Variants in ZHX2 observed in about 807,000 individuals in gnomAD.
The protein encoded by ZHX2 is zinc fingers and homeoboxes protein 2.
In ZHX2, 6 loss-of-function variants were observed where a neutral mutation model predicts 21.9. The ratio of observed to expected loss-of-function variants is 0.27; its 90% CI spans 0.15 to 0.54. The LOEUF is 0.54. Ranked by LOEUF, ZHX2 falls within the 20% of genes least tolerant of loss-of-function variation. The probability of loss-of-function intolerance (pLI) is 0.95; values close to 1 mark genes in which losing one functional copy is unlikely to be tolerated. For synonymous variants in ZHX2, 434 were observed against 437.1 expected (o/e 0.99, Z 0.09); for missense variants, 908 against 1,090.7 (o/e 0.83, Z 2.36).
Position 122,952,808 on chromosome 8 carries a change from T to G in ZHX2, c.1298T>G (p.Val433Gly), listed in dbSNP as rs932492522. ...CAGGTGCCAGAGCCCCCACCCAAGG[T>G]GGCCAACCCCCCGCTCACACCAGCC... ...IAQVPEPPPK[V>G]ANPPLTPASD... Residue 433 changes from valine to glycine, a missense_variant, in exon 3 of 4, where the codon GTG becomes GGG. Transcript: ENST00000314393. The surrounding 1 kb of genome is among the most constrained non-coding windows in gnomAD (Gnocchi z 6.9). 6.2e-7 allele frequency: 1 copy of G among 1,613,908 alleles called. No homozygotes were observed. Among genetic ancestry groups the G allele is most frequent in the Middle Eastern group, 1.6e-4 (1 of 6,062 alleles).
chr8:122,837,095 A>T (rs1818519650), intron 1 of ZHX2, among the ~76,000 whole-genome samples: 1 of 152,210 alleles, frequency 6.6e-6, no homozygotes, highest in Non-Finnish European at 1.5e-5. Flanking sequence ...TGGCAACGTC[A>T]GGAAGGTACC....
At chr8:122,830,002 G>C (rs1348000498) in intron 1 of ZHX2, among the ~76,000 whole-genome samples, 2 of 152,212 alleles carry the variant, frequency 1.3e-5, no homozygotes, top group Admixed American at 6.5e-5. Flanking sequence ...ATTTGAACCA[G>C]AGCAACTCCA....
At chr8:122,970,820 C>G (rs1287218390) in intron 3 of ZHX2, among the ~76,000 whole-genome samples, 1 of 152,230 alleles carries the variant, frequency 6.6e-6, no homozygotes, top group Non-Finnish European at 1.5e-5. Context: ...GTGCATGTGG[C>G]TCTGCCTGGG....
intron 2 of ZHX2, among the ~76,000 whole-genome samples, chr8:122,945,118 C>T (rs1812937322): frequency 6.6e-6 from 1 of 152,126 alleles, no homozygotes; most frequent in African/African-American, 2.4e-5. Context: ...GAATAAATTC[C>T]TGTTGTCTAA....
chr8:122,832,607 T>C (rs1818401707), intron 1 of ZHX2, among the ~76,000 whole-genome samples: 1 of 152,114 alleles, frequency 6.6e-6, no homozygotes, highest in Admixed American at 6.5e-5. Flanking sequence ...TGAAGTCTTA[T>C]GGAGAGGGCC....
intron 1 of ZHX2, among the ~76,000 whole-genome samples, chr8:122,852,869 G>C (rs1433004048): frequency 6.6e-6 from 1 of 151,856 alleles, no homozygotes; most frequent in Admixed American, 6.6e-5. Flanking sequence ...AAGAGCCCCG[G>C]GTGCATGTGT....
At chr8:122,959,046 T>C (rs1813378198) in intron 3 of ZHX2, among the ~76,000 whole-genome samples, 1 of 152,172 alleles carries the variant, frequency 6.6e-6, no homozygotes, top group African/African-American at 2.4e-5. Flanking sequence ...CCCACCAACC[T>C]ACATGTGCAA....
chr8:122,874,624 T>C (rs1275110526), intron 2 of ZHX2, among the ~76,000 whole-genome samples: 1 of 152,120 alleles, frequency 6.6e-6, no homozygotes, highest in African/African-American at 2.4e-5. Context: ...TGAGCCACCA[T>C]GCCCGGCCAT....
intron 2 of ZHX2, among the ~76,000 whole-genome samples, chr8:122,917,228 G>A (rs1820628322): frequency 1.3e-5 from 2 of 151,960 alleles, no homozygotes; most frequent in African/African-American, 4.8e-5. Flanking sequence ...ACTATTTCTG[G>A]GAGTCCTCAG....
At chr8:122,850,155 C>T (rs1818852706) in intron 1 of ZHX2, among the ~76,000 whole-genome samples, 1 of 152,160 alleles carries the variant, frequency 6.6e-6, no homozygotes. Context: ...TAAATCTTGG[C>T]TGTTCTGTCT....
chr8:122,842,343 T>C (rs913769963), intron 1 of ZHX2, among the ~76,000 whole-genome samples: 4 of 152,236 alleles, frequency 2.6e-5, no homozygotes, highest in African/African-American at 7.2e-5. Flanking sequence ...CCCTGAGTTC[T>C]TTCCAGGAGC....
At chr8:122,874,861 G>A (rs1819525749) in intron 2 of ZHX2, among the ~76,000 whole-genome samples, 1 of 151,982 alleles carries the variant, frequency 6.6e-6, no homozygotes, top group Admixed American at 6.5e-5. Flanking sequence ...TACATCAGCA[G>A]CAGGGCATGG....
At chr8:122,793,972 C>A (rs1020243911) in intron 1 of ZHX2, among the ~76,000 whole-genome samples, 1 of 152,160 alleles carries the variant, frequency 6.6e-6, no homozygotes, top group Non-Finnish European at 1.5e-5. Flanking sequence ...TGGGAGATAC[C>A]TTTTGTCTTA....
intron 3 of ZHX2, among the ~76,000 whole-genome samples, chr8:122,965,097 C>G (rs1350067072): frequency 6.7e-6 from 1 of 150,316 alleles, no homozygotes; most frequent in Admixed American, 6.6e-5. Flanking sequence ...TTCAAAGAAC[C>G]AGCTTTTTGT....
Position 122,837,485 on chromosome 8 carries a change from C to T in ZHX2, c.-282-25992C>T, listed in dbSNP as rs534642662. Among the ~76,000 whole-genome samples the T allele has an allele frequency of 3.3e-5, 5 of 152,302 alleles. No homozygotes were observed. In the East Asian group the frequency reaches 7.7e-4, roughly 24 times the overall value. On this transcript the variant is annotated intron_variant, in intron 1 of 3. Transcript: ENST00000314393. Reference sequence around the variant, plus strand: ...CCTACAGGTTTCAAACACCCACCCTCCTTTCCAAAACCAGACCCAGGTTAC... The same window carrying T: ...CCTACAGGTTTCAAACACCCACCCTTCTTTCCAAAACCAGACCCAGGTTAC...
chr8:122,918,258 C>A lies in ZHX2; in HGVS notation c.-219-33034C>A, dbSNP rs997337332. Among the ~76,000 whole-genome samples the A allele has an allele frequency of 2.0e-4, 31 of 152,354 alleles. 1 individual carries two copies. The highest frequency in any genetic ancestry group is 2.1e-4 in the South Asian group (1 of 4,832). On this transcript the variant is annotated intron_variant, in intron 2 of 3. Coordinates refer to ENST00000314393, the MANE Select transcript of ZHX2 (RefSeq NM_014943.5). ...TCCCGACCGCCTTTGTCATTCCAAT[C>A]GTTCAACATTTTTATTAGGCACCCA...
In ZHX2 at chr8:122,788,492, G is replaced by A. The variant is rs12680856; in HGVS notation, c.-283+6546G>A. Among the ~76,000 whole-genome samples, 578 of 152,256 alleles carry A rather than the reference G, an allele frequency of 3.8e-3. 11 individuals carry two copies. Among genetic ancestry groups the A allele is most frequent in the East Asian group, 0.032 (167 of 5,184 alleles). On this transcript the variant is annotated intron_variant, in intron 1 of 3. Transcript: ENST00000314393. ...TAAGGCAGGAGGATCGCTTGAGCCCGGGAGGTCAAGGCTGCAGTAAGCCAT... is the reference window on the plus strand; with the variant it reads ...TAAGGCAGGAGGATCGCTTGAGCCCAGGAGGTCAAGGCTGCAGTAAGCCAT...
At position 122,798,130 on chromosome 8, in the gene ZHX2, G is replaced by A. The variant is rs185612047; in HGVS notation, c.-283+16184G>A. 6.6e-5 allele frequency among the ~76,000 whole-genome samples: 10 copies of A among 152,328 alleles called. No homozygotes were observed. The East Asian group carries it at 1.9e-3, about 29-fold the overall frequency. On this transcript the variant is annotated intron_variant, in intron 1 of 3. Coordinates refer to ENST00000314393, the MANE Select transcript of ZHX2 (RefSeq NM_014943.5). ...AGCTGATTCTAAACCCAGCACTGGA[G>A]GGTGGGAGTATGTTGGGGGATACAG... is the stretch of plus-strand genomic sequence containing the variant.
chr8:122,886,117 T>G (rs186109269), intron 2 of ZHX2, among the ~76,000 whole-genome samples: 1 of 152,332 alleles, frequency 6.6e-6, no homozygotes, highest in Non-Finnish European at 1.5e-5. Context: ...CAAACTGTGA[T>G]ACATCCATCC....
Sources: gnomAD v4.1 joint callset for allele counts (sites outside exome capture counted in the v4.1 genomes callset) on GRCh38, gnomAD v4.1.1 for gene constraint, Gnocchi (gnomAD v3.1) non-coding constraint, MANE v1.5 for transcripts, NCBI Gene and HGNC (gene_info 2026-07-23, HGNC 2026-07-21) for gene names.